The following MAP1B variants were observed in gnomAD, a reference collection of about 807,000 sequenced individuals.
The protein encoded by MAP1B is microtubule-associated protein 1B.
A neutral mutation model predicts 176.1 loss-of-function variants in MAP1B; 12 were observed. That is an observed-to-expected ratio of 0.07 (90% CI 0.04 to 0.11). The LOEUF (loss-of-function observed/expected upper bound fraction) is 0.11. Among genes scored for constraint, MAP1B ranks in the 10% least tolerant of loss-of-function variants. The pLI is 1.00. For missense variants in MAP1B, 2,523 were observed against 2,990.5 expected (o/e 0.84, Z 3.65); for synonymous variants, 1,044 against 1,135.0 (o/e 0.92, Z 1.61).
intron 2 of MAP1B, among the ~76,000 whole-genome samples, chr5:72,152,033 G>A (rs1358119734): frequency 6.6e-6 from 1 of 152,148 alleles, no homozygotes; most frequent in Non-Finnish European, 1.5e-5. Flanking sequence ...CATCCTGTTA[G>A]TTAAACTACA....
chr5:72,140,288 G>C (rs1423983010), intron 2 of MAP1B, among the ~76,000 whole-genome samples: 2 of 152,010 alleles, frequency 1.3e-5, no homozygotes, highest in Non-Finnish European at 2.9e-5. Flanking sequence ...CCTTAACCAT[G>C]GTATAGAAAA....
chr5:72,113,007 A>T (rs1447750469), intron 1 of MAP1B, among the ~76,000 whole-genome samples: 1 of 152,166 alleles, frequency 6.6e-6, no homozygotes, highest in Admixed American at 6.5e-5. Context: ...GGCCAAAGAG[A>T]TATTTTTCTG....
intron 4 of MAP1B, among the ~76,000 whole-genome samples, chr5:72,188,725 G>GA (rs1390460743): frequency 1.3e-5 from 2 of 151,592 alleles, no homozygotes; most frequent in African/African-American, 4.8e-5. Context: ...ACTAATTACA[G>GA]AAAAAAAAAT....
At chr5:72,125,128 G>T (rs932636219) in intron 2 of MAP1B, among the ~76,000 whole-genome samples, 2 of 152,144 alleles carry the variant, frequency 1.3e-5, no homozygotes, top group African/African-American at 4.8e-5. Flanking sequence ...TTTTAATGGA[G>T]CTCGATGCCT....
At chr5:72,158,267 C>G (rs1746265678) in intron 2 of MAP1B, among the ~76,000 whole-genome samples, 1 of 152,032 alleles carries the variant, frequency 6.6e-6, no homozygotes, top group Non-Finnish European at 1.5e-5. Flanking sequence ...CTCAGCCTCC[C>G]AAAGTGCTGG....
rs2111907593 is a variant in MAP1B at position 72,207,629 on chromosome 5, C to G, written c.*2390C>G. On this transcript the variant is annotated 3_prime_UTR_variant, in exon 7 of 7. Coordinates refer to ENST00000296755, the MANE Select transcript of MAP1B (RefSeq NM_005909.5). ...ACATGATGGAAAAGTCATTGTGACG[C>G]CAATGAATTTCATTGAGTATAAACT... is the stretch of plus-strand genomic sequence containing the variant. The G allele has an allele frequency of 6.6e-6, 1 of 152,168 alleles. No homozygotes were observed. The highest frequency in any genetic ancestry group is 2.1e-4 in the South Asian group (1 of 4,822). 9.4% of individuals were successfully genotyped at this position (152,168 alleles called of 1,614,324 possible). A position where few individuals can be genotyped will look rare whatever the true frequency, so the allele number is the denominator to read the frequency against.
At chr5:72,175,696 C>T (rs1746639216) in intron 2 of MAP1B, among the ~76,000 whole-genome samples, 1 of 152,034 alleles carries the variant, frequency 6.6e-6, no homozygotes, top group Non-Finnish European at 1.5e-5. Flanking sequence ...GAGAGAAACA[C>T]CGAAGAGAGG....
intron 2 of MAP1B, among the ~76,000 whole-genome samples, chr5:72,173,491 A>G (rs1746585023): frequency 6.6e-6 from 1 of 152,192 alleles, no homozygotes; most frequent in South Asian, 2.1e-4. Flanking sequence ...GATTTTTTTA[A>G]AAAGGTGTCT....
rs115968404 is a variant in MAP1B, at chr5:72,110,234, G to C, written c.184+2519G>C. Reference sequence around the variant, plus strand: ...GCCCCCTTGTGTTCCCTTTGCAATAGACATCATGGCTTCCTGATTTTTTAA... The same window carrying C: ...GCCCCCTTGTGTTCCCTTTGCAATACACATCATGGCTTCCTGATTTTTTAA... On this transcript the variant is annotated intron_variant, in intron 1 of 6. Coordinates refer to ENST00000296755, the MANE Select transcript of MAP1B (RefSeq NM_005909.5). 9.6e-3 allele frequency among the ~76,000 whole-genome samples: 1,467 copies of C among 152,308 alleles called. 21 individuals carry two copies. Among genetic ancestry groups the C allele is most frequent in the African/African-American group, 0.034 (1,410 of 41,560 alleles).
chr5:72,194,470 T>G lies in MAP1B; in HGVS notation c.1115T>G (p.Ile372Ser). ...PENLKNPEPN[I>S]KMKRSIEEAC... The stretch of plus-strand genomic sequence containing the variant: ...AATCTCAAAAATCCAGAGCCAAACA[T>G]CAAGATGAAGAGAAGCATAGAAGAA... The change falls in exon 5 of 7, where the codon ATC (isoleucine) becomes AGC (serine). Residue 372 changes from isoleucine to serine, a missense_variant. Around this residue, in one of 4 missense-constraint regions of MAP1B, gnomAD observed 1,925 missense variants for 2,126.0 expected, o/e 0.91. Transcript: ENST00000296755. The surrounding 1 kb of genome is among the most constrained non-coding windows in gnomAD (Gnocchi z 7.2). 6.2e-7 allele frequency: 1 copy of G among 1,613,978 alleles called. No homozygotes were observed.
chr5:72,184,286 G>C (rs1459199780), intron 3 of MAP1B, among the ~76,000 whole-genome samples: 3 of 152,160 alleles, frequency 2.0e-5, no homozygotes, highest in East Asian at 1.9e-4. Context: ...AGGCAGGCTA[G>C]CATAGTGGTC....
At chr5:72,176,802 T>C (rs1268617137) in intron 2 of MAP1B, among the ~76,000 whole-genome samples, 2 of 152,232 alleles carry the variant, frequency 1.3e-5, no homozygotes, top group African/African-American at 4.8e-5. Flanking sequence ...TCATGTTCCC[T>C]GTTGCCTCTG....
chr5:72,200,231 G>T lies in MAP1B; in HGVS notation c.6876G>T (p.Lys2292Asn). 1 of 1,614,228 alleles carries T rather than the reference G, an allele frequency of 6.2e-7. No individual in the cohort carries two copies. The highest frequency in any genetic ancestry group is 8.5e-7 in the Non-Finnish European group (1 of 1,180,046). Residue 2292 changes from lysine to asparagine, a missense_variant, in exon 5 of 7, where the codon AAG (lysine) becomes AAT (asparagine). Physicochemically the swap from Lys to Asn is moderately conservative, Grantham distance 94. Around this residue, in one of 4 missense-constraint regions of MAP1B, gnomAD observed 287 missense variants for 401.5 expected, o/e 0.71. Coordinates refer to ENST00000296755, the MANE Select transcript of MAP1B (RefSeq NM_005909.5). ...TGTCCAGGGTGGCTTCTCCTAAGAA[G>T]AAAGAATCTGTGGAAAAGGCAGCAA... ...DKVSRVASPKKKESVEKAAKP... is the reference protein window; with the variant it reads ...DKVSRVASPKNKESVEKAAKP...
chr5:72,149,747 G>A (rs1212894960), intron 2 of MAP1B, among the ~76,000 whole-genome samples: 1 of 152,208 alleles, frequency 6.6e-6, no homozygotes, highest in African/African-American at 2.4e-5. Flanking sequence ...AGGGCAGGAG[G>A]TGAGGGCAAA....
intron 2 of MAP1B, among the ~76,000 whole-genome samples, chr5:72,181,303 C>T (rs951172524): frequency 1.3e-5 from 2 of 151,940 alleles, no homozygotes; most frequent in African/African-American, 4.8e-5. Context: ...ACTTCTGGTC[C>T]TTCCTGATAT....
chr5:72,174,361 T>A (rs1445137019), intron 2 of MAP1B, among the ~76,000 whole-genome samples: 1 of 152,128 alleles, frequency 6.6e-6, no homozygotes, highest in African/African-American at 2.4e-5. Flanking sequence ...TGAAGGGTAG[T>A]GTTACTATTT....
rs547488557 is a variant in MAP1B at position 72,186,072 on chromosome 5, G to A, written c.370-542G>A. ...CTTACTGATGCCACTGGAGACTGCC[G>A]TGGAGCTGTGTGTGTGCTTGCTGCA... On this transcript the variant is annotated intron_variant, in intron 3 of 6. Coordinates refer to ENST00000296755, the MANE Select transcript of MAP1B (RefSeq NM_005909.5). The surrounding 1 kb of genome is among the most constrained non-coding windows in gnomAD (Gnocchi z 4.3). 1.1e-4 allele frequency among the ~76,000 whole-genome samples: 16 copies of A among 152,308 alleles called. No individual in the cohort carries two copies. The highest frequency in any genetic ancestry group is 2.2e-4 in the Non-Finnish European group (15 of 68,024).
intron 2 of MAP1B, among the ~76,000 whole-genome samples, chr5:72,140,692 T>A (rs752935053): frequency 6.6e-6 from 1 of 152,212 alleles, no homozygotes; most frequent in Non-Finnish European, 1.5e-5. Flanking sequence ...ATCCAGTGTT[T>A]TCCAGCAAGA....
At chr5:72,140,164 T>C (rs1276821561) in intron 2 of MAP1B, among the ~76,000 whole-genome samples, 3 of 152,134 alleles carry the variant, frequency 2.0e-5, no homozygotes, top group Non-Finnish European at 4.4e-5. Context: ...GGTTTTCCCA[T>C]GTTGCCCAGG....
Sources: allele counts gnomAD v4.1 joint callset (sites outside exome capture counted in the v4.1 genomes callset), GRCh38; gene constraint gnomAD v4.1.1; regional missense constraint gnomAD v4.1.1; non-coding constraint Gnocchi (gnomAD v3.1); transcripts MANE v1.5; gene names NCBI Gene and HGNC (gene_info 2026-07-23, HGNC 2026-07-21).